Variants in ADAM10 observed in about 807,000 individuals in gnomAD.
ADAM10 encodes the protein disintegrin and metalloproteinase domain-containing protein 10.
ADAM10 carries 17 observed loss-of-function variants against 90.1 expected under a neutral mutation model. The observed-to-expected ratio is 0.19, with a 90% CI of 0.13 to 0.28. The LOEUF (loss-of-function observed/expected upper bound fraction) is 0.28, where lower values mean the gene tolerates loss of function less well. Ranked by LOEUF, ADAM10 falls within the 10% of genes least tolerant of loss-of-function variation. The pLI, the probability that ADAM10 is intolerant of heterozygous loss-of-function variation, is 1.00. For missense variants in ADAM10, 610 were observed against 914.3 expected (o/e 0.67, Z 4.29); for synonymous variants, 310 against 298.6 (o/e 1.04, Z -0.40).
At chr15:58,659,412 T>C (rs1252754378) in intron 5 of ADAM10, among the ~76,000 whole-genome samples, 5 of 152,180 alleles carry the variant, frequency 3.3e-5, no homozygotes, top group African/African-American at 1.2e-4. Flanking sequence ...ATTTTTAGTT[T>C]GCCATGTGTT....
At chr15:58,741,781 A>G (rs1308904545) in intron 1 of ADAM10, among the ~76,000 whole-genome samples, 2 of 152,062 alleles carry the variant, frequency 1.3e-5, no homozygotes, top group Non-Finnish European at 2.9e-5. Flanking sequence ...CAATCACCCA[A>G]TTTGTCAATC....
intron 4 of ADAM10, among the ~76,000 whole-genome samples, chr15:58,670,737 A>G (rs1303026218): frequency 6.6e-6 from 1 of 152,312 alleles, no homozygotes; most frequent in Non-Finnish European, 1.5e-5. Flanking sequence ...TAATTTACTT[A>G]AGAAAAATAC....
At chr15:58,612,640 T>C (rs760026598) in intron 11 of ADAM10, among the ~76,000 whole-genome samples, 21 of 152,034 alleles carry the variant, frequency 1.4e-4, no homozygotes, top group Non-Finnish European at 2.9e-4. Context: ...ACCACCTCCA[T>C]CCCCGGTGAC....
intron 4 of ADAM10, among the ~76,000 whole-genome samples, chr15:58,673,820 C>T (rs766199539): frequency 1.3e-5 from 2 of 151,752 alleles, no homozygotes; most frequent in Admixed American, 1.3e-4. Flanking sequence ...CTGCAAGCTC[C>T]GACTCCCGGG....
At chr15:58,717,541 G>C (rs758121867) in intron 2 of ADAM10, 36 bp downstream of exon 2, 12 of 1,612,912 alleles carry the variant, frequency 7.4e-6, no homozygotes, top group South Asian at 1.1e-5. Context: ...TGAATATAGA[G>C]GAACTTCAGA....
intron 2 of ADAM10, chr15:58,698,404 TC>T: frequency 8.0e-6 from 1 of 125,112 alleles, no homozygotes; most frequent in South Asian, 6.6e-5. Flanking sequence ...AAACCCCATC[TC>T]TAAAAAAAAA....
At chr15:58,700,930 T>C (rs1789061489) in intron 2 of ADAM10, among the ~76,000 whole-genome samples, 1 of 149,408 alleles carries the variant, frequency 6.7e-6, no homozygotes, top group South Asian at 2.1e-4. Context: ...GCTTGAGCCC[T>C]GGAGTTCAAG....
chr15:58,691,104 T>C (rs1247409682), intron 2 of ADAM10: 4 of 665,926 alleles, frequency 6.0e-6, no homozygotes, highest in Admixed American at 3.6e-5. Context: ...ATTGGCTATC[T>C]AGCTGTAGGT....
chr15:58,701,437 A>T (rs1388215550), intron 2 of ADAM10, among the ~76,000 whole-genome samples: 4 of 152,186 alleles, frequency 2.6e-5, no homozygotes, highest in Non-Finnish European at 5.9e-5. Context: ...ACCACAATAT[A>T]TCATCTTACC....
chr15:58,654,489 C>T (rs1267395471), intron 5 of ADAM10, among the ~76,000 whole-genome samples: 1 of 152,162 alleles, frequency 6.6e-6, no homozygotes, highest in African/African-American at 2.4e-5. Context: ...AGCAATCCTC[C>T]TGCCTCAGCC....
intron 2 of ADAM10, among the ~76,000 whole-genome samples, chr15:58,708,508 T>G (rs1380922298): frequency 2.0e-5 from 3 of 151,784 alleles, no homozygotes; most frequent in Non-Finnish European, 2.9e-5. Context: ...CAAAAAAAAT[T>G]AAAAATTAGC....
rs530591512 is a variant in ADAM10 at position 58,632,001 on chromosome 15, TAAGCTACAAGTAGAC to T, written c.1176+1180_1176+1194del. On this transcript the variant is annotated intron_variant, in intron 9 of 15. Transcript: ENST00000260408. The stretch of plus-strand genomic sequence containing the variant: ...ATTAGAGAAGTGCATTTGGGGATTT[TAAGCTACAAGTAGAC>T]AACTTATTTTTAAAATCATAAAAAT... Among the ~76,000 whole-genome samples the T allele has an allele frequency of 3.9e-3, 589 of 152,340 alleles. 1 individual carries two copies. The highest frequency in any genetic ancestry group is 6.6e-3 in the Non-Finnish European group (447 of 68,030).
chr15:58,709,531 G>T (rs1215102627), intron 2 of ADAM10, among the ~76,000 whole-genome samples: 1 of 152,000 alleles, frequency 6.6e-6, no homozygotes, highest in Non-Finnish European at 1.5e-5. Context: ...CTGAGGTCAG[G>T]AGTTCGAGAC....
At chr15:58,689,230 A>T (rs1158990900) in intron 2 of ADAM10, among the ~76,000 whole-genome samples, 1 of 152,216 alleles carries the variant, frequency 6.6e-6, no homozygotes, top group Non-Finnish European at 1.5e-5. Flanking sequence ...TCACGCCTGT[A>T]ATCCTAGCAC....
intron 5 of ADAM10, among the ~76,000 whole-genome samples, chr15:58,652,346 C>T (rs1386279987): frequency 3.3e-5 from 5 of 152,080 alleles, no homozygotes; most frequent in East Asian, 1.9e-4. Context: ...GTTTCTTCAA[C>T]GTTTTCTTGC....
At chr15:58,663,647 G>A (rs1897017925) in intron 5 of ADAM10, among the ~76,000 whole-genome samples, 1 of 152,052 alleles carries the variant, frequency 6.6e-6, no homozygotes, top group Non-Finnish European at 1.5e-5. Flanking sequence ...AATAAAGGGA[G>A]AACTGATAAT....
intron 1 of ADAM10, among the ~76,000 whole-genome samples, chr15:58,738,767 C>T (rs550033899): frequency 3.9e-5 from 6 of 152,138 alleles, no homozygotes; most frequent in African/African-American, 4.8e-5. Flanking sequence ...GAAATGTGTA[C>T]GTAAGATTTC....
chr15:58,696,552 G>A (rs978334922), intron 2 of ADAM10, among the ~76,000 whole-genome samples: 1 of 144,800 alleles, frequency 6.9e-6, no homozygotes, highest in Non-Finnish European at 1.5e-5. Flanking sequence ...CGCAACCTCC[G>A]CCTCCCAGGT....
chr15:58,713,149 G>A (rs1213112496), intron 2 of ADAM10, among the ~76,000 whole-genome samples: 6 of 152,178 alleles, frequency 3.9e-5, no homozygotes, highest in Non-Finnish European at 8.8e-5. Context: ...CGCCCAAGCT[G>A]GAGCGCAGTG....
Sources: gnomAD v4.1 joint callset for allele counts (sites outside exome capture counted in the v4.1 genomes callset) on GRCh38, gnomAD v4.1.1 for gene constraint, MANE v1.5 for transcripts, NCBI Gene and HGNC (gene_info 2026-07-23, HGNC 2026-07-21) for gene names.